PLCB1: variants seen among roughly 807,000 people sequenced by gnomAD.
PLCB1 encodes 1-phosphatidylinositol 4,5-bisphosphate phosphodiesterase beta-1.
A neutral mutation model predicts 161.8 loss-of-function variants in PLCB1; 46 were observed. The ratio of observed to expected loss-of-function variants is 0.28; its 90% CI spans 0.22 to 0.36. PLCB1 has a LOEUF of 0.36. PLCB1 is among the 10% of genes least tolerant of loss of function. The pLI is 1.00. For synonymous variants in PLCB1, 517 were observed against 503.7 expected (o/e 1.03, Z -0.35); for missense variants, 1,016 against 1,472.5 (o/e 0.69, Z 5.07).
At chr20:8,474,639 C>T (rs957760612) in intron 3 of PLCB1, among the ~76,000 whole-genome samples, 1 of 152,108 alleles carries the variant, frequency 6.6e-6, no homozygotes, top group Admixed American at 6.5e-5. Flanking sequence ...CGATTTCAGG[C>T]TTGGCATTCA....
chr20:8,809,514 T>C (rs1036320939), intron 31 of PLCB1, among the ~76,000 whole-genome samples: 2 of 152,078 alleles, frequency 1.3e-5, no homozygotes, highest in African/African-American at 4.8e-5. Flanking sequence ...ATTTACACCA[T>C]TGAAAATCAA....
intron 2 of PLCB1, among the ~76,000 whole-genome samples, chr20:8,367,937 C>T (rs1024190971): frequency 6.6e-6 from 1 of 152,122 alleles, no homozygotes; most frequent in Non-Finnish European, 1.5e-5. Flanking sequence ...CGCTTTGTAG[C>T]CAAATGAGTT....
In PLCB1 at chr20:8,752,287, G is replaced by A. The variant is rs180983053; in HGVS notation, c.2524-4759G>A. ...TTCAAATACTTGTTCACAGTTTCCT[G>A]TGTGACCTCTGGCAAGTTACATGAC... is the stretch of plus-strand genomic sequence containing the variant. On this transcript the variant is annotated intron_variant, in intron 23 of 31. Coordinates refer to ENST00000338037, the MANE Select transcript of PLCB1 (RefSeq NM_015192.4). 9.9e-5 allele frequency: 15 copies of A among 152,264 alleles called. No individual in the cohort carries two copies. In the East Asian group the frequency reaches 2.9e-3, roughly 29 times the overall value. 9.4% of individuals were successfully genotyped at this position (152,264 alleles called of 1,614,324 possible).
At chr20:8,647,209 G>A (rs190999604) in intron 5 of PLCB1, among the ~76,000 whole-genome samples, 3 of 152,132 alleles carry the variant, frequency 2.0e-5, no homozygotes, top group African/African-American at 7.2e-5. Flanking sequence ...TCTAGAATAT[G>A]TTTTCCAGAC....
intron 3 of PLCB1, among the ~76,000 whole-genome samples, chr20:8,592,657 G>A (rs920527374): frequency 3.9e-5 from 6 of 152,156 alleles, no homozygotes; most frequent in South Asian, 4.1e-4. Flanking sequence ...ACGGTGACTC[G>A]TCACATGTGA....
At chr20:8,213,675 ATGG>A (rs1262816275) in intron 2 of PLCB1, among the ~76,000 whole-genome samples, 3 of 151,826 alleles carry the variant, frequency 2.0e-5, no homozygotes, top group Admixed American at 6.6e-5. Context: ...AATAAGGGAA[ATGG>A]TGGTGGTGGT....
Position 8,760,466 on chromosome 20 carries a change from T to C in PLCB1, c.2710+6T>C. On this transcript the variant is annotated splice_donor_region_variant and intron_variant, in intron 25 of 31. Transcript: ENST00000338037. ...TATTCAGAGTGTCTTAACAGGTAAATGCCACCCTTTCCCCCCATGGAATTA... is the reference window on the plus strand; with the variant it reads ...TATTCAGAGTGTCTTAACAGGTAAACGCCACCCTTTCCCCCCATGGAATTA... 1.2e-6 allele frequency: 2 copies of C among 1,605,704 alleles called. No homozygotes were observed. Among genetic ancestry groups the C allele is most frequent in the Non-Finnish European group, 1.7e-6 (2 of 1,172,698 alleles).
chr20:8,340,451 C>G (rs1437578452), intron 2 of PLCB1, among the ~76,000 whole-genome samples: 1 of 152,120 alleles, frequency 6.6e-6, no homozygotes. Context: ...GAGACGGAGT[C>G]TCGCTCTGTC....
chr20:8,555,121 G>A (rs907101441), intron 3 of PLCB1, among the ~76,000 whole-genome samples: 3 of 151,928 alleles, frequency 2.0e-5, no homozygotes, highest in Non-Finnish European at 4.4e-5. Flanking sequence ...TCAGAGTTCT[G>A]ACAGAGTTGA....
At chr20:8,552,038 C>T (rs1985792942) in intron 3 of PLCB1, among the ~76,000 whole-genome samples, 1 of 152,104 alleles carries the variant, frequency 6.6e-6, no homozygotes. Context: ...ATATTGAGTG[C>T]TTTTATGCTT....
intron 3 of PLCB1, among the ~76,000 whole-genome samples, chr20:8,503,454 T>C (rs1001025226): frequency 3.3e-5 from 5 of 152,112 alleles, no homozygotes; most frequent in Non-Finnish European, 5.9e-5. Flanking sequence ...TTCACTTCTC[T>C]CTTACTTGCA....
In PLCB1 at chr20:8,883,685, CAG is replaced by C. The variant is rs1988074753; in HGVS notation, c.*1837_*1838del. On this transcript the variant is annotated 3_prime_UTR_variant, in exon 32 of 32. Transcript: ENST00000338037. ...AAGGCTTAGTTCAAACATAAGGAAACAGTGTTTGATTAAAAAAAACACATCTA... is the reference window on the plus strand; with the variant it reads ...AAGGCTTAGTTCAAACATAAGGAAACTGTTTGATTAAAAAAAACACATCTA... The C allele has an allele frequency of 6.6e-6, 1 of 151,890 alleles. No homozygotes were observed. Among genetic ancestry groups the C allele is most frequent in the African/African-American group, 2.4e-5 (1 of 41,208 alleles). The allele number at this position is 151,890 out of a possible 1,614,324, so 9.4% of individuals were successfully genotyped here.
chr20:8,691,191 G>A (rs1348280225), intron 10 of PLCB1, among the ~76,000 whole-genome samples: 2 of 151,888 alleles, frequency 1.3e-5, no homozygotes, highest in African/African-American at 4.8e-5. Context: ...GAAGCCTTTG[G>A]ATAAACTCAA....
chr20:8,743,207 G>A (rs933008569), intron 23 of PLCB1, among the ~76,000 whole-genome samples: 1 of 152,112 alleles, frequency 6.6e-6, no homozygotes, highest in Non-Finnish European at 1.5e-5. Flanking sequence ...CTTTCATTGT[G>A]TTGATGTATG....
intron 12 of PLCB1, among the ~76,000 whole-genome samples, chr20:8,709,113 T>G (rs1978853751): frequency 6.6e-6 from 1 of 152,166 alleles, no homozygotes; most frequent in Non-Finnish European, 1.5e-5. Context: ...TTGCACACAA[T>G]TTGAGTCCAC....
At chr20:8,227,888 C>T (rs992566044) in intron 2 of PLCB1, among the ~76,000 whole-genome samples, 19 of 152,008 alleles carry the variant, frequency 1.2e-4, no homozygotes, top group Non-Finnish European at 2.8e-4. Flanking sequence ...AGAGTGACTC[C>T]CAGATTTTAT....
At chr20:8,772,519 G>A (rs895499690) in intron 26 of PLCB1, among the ~76,000 whole-genome samples, 5 of 152,090 alleles carry the variant, frequency 3.3e-5, no homozygotes, top group East Asian at 1.9e-4. Context: ...CGACTTACTC[G>A]GATACGAGTG....
chr20:8,534,462 C>G (rs1263789984), intron 3 of PLCB1, among the ~76,000 whole-genome samples: 1 of 152,112 alleles, frequency 6.6e-6, no homozygotes, highest in Non-Finnish European at 1.5e-5. Flanking sequence ...GCAGTCACTC[C>G]CTAAAATTGG....
chr20:8,830,955 C>G (rs191133988), intron 31 of PLCB1, among the ~76,000 whole-genome samples: 1 of 152,306 alleles, frequency 6.6e-6, no homozygotes, highest in East Asian at 1.9e-4. Context: ...GAGAAGGTAG[C>G]CTAGCTGTTT....
Sources: gnomAD v4.1 joint callset for allele counts (sites outside exome capture counted in the v4.1 genomes callset) on GRCh38, gnomAD v4.1.1 for gene constraint, MANE v1.5 for transcripts, NCBI Gene and HGNC (gene_info 2026-07-23, HGNC 2026-07-21) for gene names.